Variants in OLFM2 observed in about 807,000 individuals in gnomAD.
OLFM2 encodes olfactomedin 2, also known as noelin-2.
Under a neutral mutation model 43.9 loss-of-function variants are expected in OLFM2, and 20 were observed. The observed-to-expected ratio is 0.46, with a 90% confidence interval of 0.32 to 0.66. The LOEUF (loss-of-function observed/expected upper bound fraction) is 0.66, where lower values mean the gene tolerates loss of function less well. Ranked by LOEUF, OLFM2 falls within the 30% of genes least tolerant of loss-of-function variation. OLFM2 has a pLI of 0.04. For synonymous variants in OLFM2, 268 were observed against 278.6 expected (o/e 0.96, Z 0.38); for missense variants, 416 against 643.6 (o/e 0.65, Z 3.83).
chr19:9,927,530 C>G (rs1247102821), intron 1 of OLFM2, among the ~76,000 whole-genome samples: 1 of 152,148 alleles, frequency 6.6e-6, no homozygotes, highest in Non-Finnish European at 1.5e-5. Flanking sequence ...CAATGACTTT[C>G]TTCTGTGTCC....
At chr19:9,868,893 G>A (rs1599470182) in intron 1 of OLFM2, among the ~76,000 whole-genome samples, 2 of 151,286 alleles carry the variant, frequency 1.3e-5, no homozygotes. Context: ...CTATGAAGGC[G>A]CCACTACACT....
intron 1 of OLFM2, among the ~76,000 whole-genome samples, chr19:9,897,825 G>A (rs1370297621): frequency 3.9e-5 from 6 of 152,086 alleles, no homozygotes; most frequent in African/African-American, 2.4e-5. Flanking sequence ...AAGGGGGTTC[G>A]GATCATTGTT....
intron 1 of OLFM2, among the ~76,000 whole-genome samples, chr19:9,865,993 T>C (rs1409504058): frequency 6.6e-6 from 1 of 152,144 alleles, no homozygotes; most frequent in Non-Finnish European, 1.5e-5. Context: ...TTGCCTAGCG[T>C]GTCCGTTGAA....
chr19:9,866,147 G>T (rs2046401208), intron 1 of OLFM2, among the ~76,000 whole-genome samples: 1 of 152,218 alleles, frequency 6.6e-6, no homozygotes, highest in Admixed American at 6.5e-5. Flanking sequence ...GTTCTCTGCA[G>T]CAGTGTAATT....
chr19:9,917,853 T>A (rs1047725152), intron 1 of OLFM2, among the ~76,000 whole-genome samples: 2 of 150,748 alleles, frequency 1.3e-5, no homozygotes, highest in African/African-American at 4.9e-5. Context: ...CACCACTCTG[T>A]GCCACTTACC....
rs541158204 is a variant in OLFM2 at position 9,931,276 on chromosome 19, G to T, written c.63+5028C>A. Among the ~76,000 whole-genome samples the T allele has an allele frequency of 1.6e-4, 24 of 152,254 alleles. No individual in the cohort carries two copies. The South Asian group carries it at 5.0e-3, about 32-fold the overall frequency. On this transcript the variant is annotated intron_variant, in intron 1 of 5. Coordinates refer to ENST00000264833, the MANE Select transcript of OLFM2 (RefSeq NM_058164.4). ...TTTCTTTCTTTTTTGTGGAGACAGG[G>T]TCTCAGTCTGTCGCCCAAGCTGGAG...
intron 1 of OLFM2, among the ~76,000 whole-genome samples, chr19:9,896,639 T>G (rs1438368897): frequency 2.6e-5 from 4 of 152,200 alleles, no homozygotes; most frequent in African/African-American, 9.6e-5. Flanking sequence ...AGCAATTCCC[T>G]CTGCGCAGAG....
chr19:9,896,062 C>T (rs1029269878), intron 1 of OLFM2, among the ~76,000 whole-genome samples: 7 of 150,578 alleles, frequency 4.6e-5, no homozygotes, highest in African/African-American at 1.7e-4. Context: ...CTGGTCTCCT[C>T]GTTCCCAGGC....
At chr19:9,884,165 A>G (rs59810148) in intron 1 of OLFM2, among the ~76,000 whole-genome samples, 18,408 of 151,366 alleles carry the variant, frequency 0.12, 1,281 homozygotes, top group African/African-American at 0.19. Flanking sequence ...GCTACTTGGG[A>G]GGCTGAAAGA....
In OLFM2 at chr19:9,936,389, C is replaced by T; in HGVS notation, c.-23G>A. On this transcript the variant is annotated 5_prime_UTR_variant, in exon 1 of 6. Coordinates refer to ENST00000264833, the MANE Select transcript of OLFM2 (RefSeq NM_058164.4). The stretch of plus-strand genomic sequence containing the variant: ...CATGACGCGCCCCTAGCCCGGCGTC[C>T]CGACCCCCGCCCGCCCTAGCGGCGC... The T allele has an allele frequency of 1.4e-6, 2 of 1,396,660 alleles. No individual in the cohort carries two copies. The highest frequency in any genetic ancestry group is 1.9e-6 in the Non-Finnish European group (2 of 1,075,066). 86.5% of individuals were successfully genotyped at this position (1,396,660 alleles called of 1,614,324 possible).
chr19:9,867,978 T>C (rs4804468), intron 1 of OLFM2, among the ~76,000 whole-genome samples: 147,931 of 151,972 alleles, frequency 0.97, 72,282 homozygotes, highest in Middle Eastern at 1. Context: ...CATAGCTCAC[T>C]GCAGCCTTGA....
At chr19:9,931,285 TGTCGCCCAAGCTGGA>T (rs1163834904) in intron 1 of OLFM2, among the ~76,000 whole-genome samples, 2 of 152,200 alleles carry the variant, frequency 1.3e-5, no homozygotes, top group African/African-American at 4.8e-5. Flanking sequence ...GGTCTCAGTC[TGTCGCCCAAGCTGGA>T]GTGCAGTAGT....
At chr19:9,899,298 T>C (rs2046711116) in intron 1 of OLFM2, among the ~76,000 whole-genome samples, 1 of 151,732 alleles carries the variant, frequency 6.6e-6, no homozygotes, top group African/African-American at 2.4e-5. Flanking sequence ...AAGCCAACAG[T>C]TCACTGTGGC....
In OLFM2 at chr19:9,854,566, C is replaced by T. The variant is rs2046298235; in HGVS notation, c.985G>A (p.Glu329Lys). 3 of 1,613,788 alleles carry T rather than the reference C, an allele frequency of 1.9e-6. No individual in the cohort carries two copies. Among genetic ancestry groups the T allele is most frequent in the African/African-American group, 1.3e-5 (1 of 74,926 alleles). Residue 329 changes from glutamate (E) to lysine (K), a missense_variant, in exon 6 of 6, where the codon GAG (glutamate) becomes AAG (lysine). Glu to Lys is a moderately conservative substitution (Grantham distance 56). Transcript: ENST00000264833. The surrounding 1 kb of genome is among the most constrained non-coding windows in gnomAD (Gnocchi z 9.5). Reference sequence around the variant, plus strand: ...GTGTACACAGCCCAGAGCCCGCTCTCGTCCACCATGAAGTCCATGTCGGAG... The same window carrying T: ...GTGTACACAGCCCAGAGCCCGCTCTTGTCCACCATGAAGTCCATGTCGGAG... ...GFSDMDFMVDESGLWAVYTTN... is the reference protein window; with the variant it reads ...GFSDMDFMVDKSGLWAVYTTN...
chr19:9,934,698 T>A (rs1468822316), intron 1 of OLFM2, among the ~76,000 whole-genome samples: 1 of 152,154 alleles, frequency 6.6e-6, no homozygotes, highest in Non-Finnish European at 1.5e-5. Context: ...GAGTACCTAT[T>A]GTGTGTGTCC....
chr19:9,926,858 G>A (rs962775800), intron 1 of OLFM2, among the ~76,000 whole-genome samples: 9 of 152,082 alleles, frequency 5.9e-5, no homozygotes, highest in Non-Finnish European at 1.2e-4. Flanking sequence ...GGTGGCACAC[G>A]CCTGTGGTCC....
At chr19:9,886,642 T>A (rs1195577953) in intron 1 of OLFM2, among the ~76,000 whole-genome samples, 1 of 152,220 alleles carries the variant, frequency 6.6e-6, no homozygotes, top group South Asian at 2.1e-4. Flanking sequence ...CTGCCCAGTC[T>A]GCCTCGTCCA....
chr19:9,867,455 C>G (rs1482116045), intron 1 of OLFM2, among the ~76,000 whole-genome samples: 2 of 152,016 alleles, frequency 1.3e-5, no homozygotes, highest in Non-Finnish European at 2.9e-5. Context: ...GTCCTGGGGA[C>G]AGGAGAAGCA....
intron 1 of OLFM2, among the ~76,000 whole-genome samples, chr19:9,924,878 AATATATATGTGATATAT>A (rs962870871): frequency 4.2e-5 from 6 of 143,376 alleles, no homozygotes; most frequent in Admixed American, 2.7e-4. Flanking sequence ...TCAAAAAATA[AATATATATGTGATATAT>A]ATATATATAT....
Sources: gnomAD v4.1 joint callset for allele counts (sites outside exome capture counted in the v4.1 genomes callset) on GRCh38, gnomAD v4.1.1 for gene constraint, Gnocchi (gnomAD v3.1) non-coding constraint, MANE v1.5 for transcripts, NCBI Gene and HGNC (gene_info 2026-07-23, HGNC 2026-07-21) for gene names.